SBF2: variants seen among roughly 807,000 people sequenced by gnomAD.
The protein encoded by SBF2 is SET binding factor 2, also known as myotubularin-related protein 13.
Under a neutral mutation model 225.2 loss-of-function variants are expected in SBF2, and 112 were observed. The observed-to-expected ratio is 0.50, with a 90% CI of 0.43 to 0.58. SBF2 has a LOEUF of 0.58. Ranked by LOEUF, SBF2 falls within the 20% of genes least tolerant of loss-of-function variation. SBF2 has a pLI of 0.00. For missense variants in SBF2, 1,996 were observed against 2,206.2 expected, an observed-to-expected ratio of 0.90 and a Z score of 1.91; for synonymous variants, 763 against 773.3, an observed-to-expected ratio of 0.99 and a Z score of 0.22.
chr11:9,989,190 G>A (rs1947317614), intron 13 of SBF2, among the ~76,000 whole-genome samples: 1 of 152,096 alleles, frequency 6.6e-6, no homozygotes, highest in Admixed American at 6.6e-5. Flanking sequence ...ATGTAACTCA[G>A]GGATGGAAAA....
chr11:9,864,767 A>C (rs932597013), intron 17 of SBF2, among the ~76,000 whole-genome samples: 2 of 152,200 alleles, frequency 1.3e-5, no homozygotes. Flanking sequence ...TTCAGAGGAT[A>C]AATCAATTTC....
chr11:10,132,964 T>C (rs1436080530), intron 2 of SBF2, among the ~76,000 whole-genome samples: 10 of 149,196 alleles, frequency 6.7e-5, no homozygotes, highest in Admixed American at 1.4e-4. Context: ...GAGTGTCGAT[T>C]GGTGCATTCA....
intron 28 of SBF2, among the ~76,000 whole-genome samples, chr11:9,819,686 A>T (rs1272682396): frequency 1.3e-5 from 2 of 152,196 alleles, no homozygotes; most frequent in African/African-American, 2.4e-5. Context: ...GAATGTTAGG[A>T]ATACATTGGT....
intron 1 of SBF2, among the ~76,000 whole-genome samples, chr11:10,226,917 T>C (rs1310673189): frequency 2.0e-5 from 3 of 152,338 alleles, no homozygotes; most frequent in East Asian, 1.9e-4. Context: ...TCCACAATGG[T>C]TGAACTAGTT....
chr11:9,893,761 A>T (rs1387845614), intron 17 of SBF2, among the ~76,000 whole-genome samples: 1 of 152,156 alleles, frequency 6.6e-6, no homozygotes, highest in African/African-American at 2.4e-5. Context: ...CAGTGGCCAC[A>T]ACACCTCTCC....
At chr11:10,292,574 G>A (rs1964230450) in intron 1 of SBF2, among the ~76,000 whole-genome samples, 1 of 151,776 alleles carries the variant, frequency 6.6e-6, no homozygotes, top group African/African-American at 2.4e-5. Flanking sequence ...CAGCTACTCC[G>A]GAGGCTGAGG....
At chr11:10,265,493 C>CGG (rs5789631) in intron 1 of SBF2, among the ~76,000 whole-genome samples, 2 of 84,710 alleles carry the variant, frequency 2.4e-5, no homozygotes, top group African/African-American at 9.6e-5. Flanking sequence ...GTGCAGAAAT[C>CGG]GGGGGGGGGG....
At chr11:10,073,481 G>A (rs1354076669) in intron 2 of SBF2, among the ~76,000 whole-genome samples, 1 of 152,160 alleles carries the variant, frequency 6.6e-6, no homozygotes, top group Non-Finnish European at 1.5e-5. Context: ...GGAAGGGCCA[G>A]GCGGGCAGAT....
chr11:9,965,908 G>A (rs954034951), intron 14 of SBF2, among the ~76,000 whole-genome samples: 1 of 152,036 alleles, frequency 6.6e-6, no homozygotes, highest in Non-Finnish European at 1.5e-5. Flanking sequence ...TAGGTTGGTG[G>A]CATTAACTGA....
At chr11:9,963,564 T>G (rs996175857) in intron 15 of SBF2, among the ~76,000 whole-genome samples, 2 of 152,244 alleles carry the variant, frequency 1.3e-5, no homozygotes, top group South Asian at 2.1e-4. Context: ...AAAAAATTAC[T>G]ATGAATATAT....
intron 16 of SBF2, among the ~76,000 whole-genome samples, chr11:9,954,752 A>T (rs1474789288): frequency 6.6e-6 from 1 of 152,178 alleles, no homozygotes; most frequent in Admixed American, 6.5e-5. Context: ...CAAATGAAAA[A>T]TATTTGTAGC....
At chr11:9,939,172 T>C (rs893915544) in intron 16 of SBF2, among the ~76,000 whole-genome samples, 8 of 152,306 alleles carry the variant, frequency 5.3e-5, no homozygotes, top group African/African-American at 1.9e-4. Context: ...CTCGGCTCAC[T>C]GCAACCTCTG....
At chr11:9,828,381 T>C (rs915905291) in intron 28 of SBF2, 65 of 985,320 alleles carry the variant, frequency 6.6e-5, no homozygotes, top group Non-Finnish European at 7.5e-5. Flanking sequence ...AATGTTATTA[T>C]TAATCAGAGA....
At chr11:10,044,871 T>C (rs1949792681) in intron 2 of SBF2, among the ~76,000 whole-genome samples, 1 of 152,204 alleles carries the variant, frequency 6.6e-6, no homozygotes. Flanking sequence ...GGAGCACCCT[T>C]CTGCAGAAGT....
chr11:10,002,798 G>T, intron 6 of SBF2, 109 bp from the exon 7 acceptor site: 2 of 985,748 alleles, frequency 2.0e-6, no homozygotes, highest in Non-Finnish European at 3.2e-6. Flanking sequence ...TGGACTCTCT[G>T]AAGGAAAATA....
intron 16 of SBF2, among the ~76,000 whole-genome samples, chr11:9,934,038 T>A (rs548179222): frequency 2.2e-4 from 34 of 151,830 alleles, no homozygotes; most frequent in Non-Finnish European, 3.5e-4. Context: ...GCTGAGATTG[T>A]GCCATGGCAC....
Position 9,812,565 on chromosome 11 carries a change from C to T in SBF2, c.4122G>A (p.Leu1374=). 1 of 1,614,208 alleles carries T rather than the reference C, an allele frequency of 6.2e-7. No individual in the cohort carries two copies. The highest frequency in any genetic ancestry group is 8.5e-7 in the Non-Finnish European group (1 of 1,180,028). ...ACCACTCAGAATCTCCCAGCGCTTT[C>T]AGGAAGGTCACTTCTGAGTCAGTAG... ...TIPTDSEVTF[L]KALGDSEWFP... Residue 1374 remains leucine, a synonymous_variant, in exon 30 of 40, where the codon CTG becomes CTA. Transcript: ENST00000256190.
At chr11:9,931,691 C>G (rs1451687565) in intron 16 of SBF2, among the ~76,000 whole-genome samples, 1 of 152,164 alleles carries the variant, frequency 6.6e-6, no homozygotes, top group Non-Finnish European at 1.5e-5. Context: ...AGCAGAAAAG[C>G]TGAAAATTCT....
At chr11:10,294,255 GC>G, upstream of SBF2, 3 of 408,226 alleles carry the variant, frequency 7.3e-6, no homozygotes, top group Non-Finnish European at 1.2e-5. Flanking sequence ...CTCCTCCCCC[GC>G]CCCCACCCGC....
Sources: gnomAD v4.1 joint callset for allele counts (sites outside exome capture counted in the v4.1 genomes callset) on GRCh38, gnomAD v4.1.1 for gene constraint, MANE v1.5 for transcripts, NCBI Gene and HGNC (gene_info 2026-07-23, HGNC 2026-07-21) for gene names.